ZSCAN25: variants seen among roughly 807,000 people sequenced by gnomAD.
ZSCAN25 encodes zinc finger and SCAN domain containing 25, also known as zinc finger and SCAN domain-containing protein 25.
A neutral mutation model predicts 38.7 loss-of-function variants in ZSCAN25; 27 were observed. That is an observed-to-expected ratio of 0.70 (90% CI 0.51 to 0.96). ZSCAN25 has a LOEUF of 0.96. ZSCAN25 is among the 40% of genes least tolerant of loss of function. The probability of loss-of-function intolerance (pLI) is 0.00; values close to 1 mark genes in which losing one functional copy is unlikely to be tolerated. For synonymous variants in ZSCAN25, 273 were observed against 277.7 expected (o/e 0.98, Z 0.17); for missense variants, 637 against 705.9 (o/e 0.90, Z 1.11).
the ZSCAN25 span, chr7:99,676,172 C>T: frequency 6.2e-7 from 1 of 1,613,778 alleles, no homozygotes; most frequent in South Asian, 1.1e-5. Flanking sequence ...CTGGAATTCC[C>T]AGTCTCTTAA....
At chr7:99,735,195 G>A in the ZSCAN25 span, 5 of 1,448,622 alleles carry the variant, frequency 3.5e-6, no homozygotes, top group Non-Finnish European at 4.8e-6. Flanking sequence ...CTGCACAGCA[G>A]TGATTCAGTG....
At chr7:99,730,995 C>G in the ZSCAN25 span, 3 of 1,591,482 alleles carry the variant, frequency 1.9e-6, no homozygotes, top group Admixed American at 1.7e-5. Context: ...AGCATTTTTA[C>G]TGATGGAACT....
At chr7:99,657,933 T>G in the ZSCAN25 span, among the ~76,000 whole-genome samples, 1 of 152,232 alleles carries the variant, frequency 6.6e-6, no homozygotes, top group Admixed American at 6.5e-5. Flanking sequence ...GTCCATTTGC[T>G]TGGTAGATCT....
chr7:99,720,240 G>A, the ZSCAN25 span: 1 of 1,566,520 alleles, frequency 6.4e-7, no homozygotes, highest in South Asian at 1.1e-5. Flanking sequence ...AACTGTCTAT[G>A]AATATATAAG....
At chr7:99,662,469 T>C in the ZSCAN25 span, among the ~76,000 whole-genome samples, 23,324 of 152,146 alleles carry the variant, frequency 0.15, 3,899 homozygotes, top group African/African-American at 0.4. This position sits in a 1 kb window ranked among gnomAD's most constrained non-coding sequence, Gnocchi z 4.3. Flanking sequence ...GATAGTGTGC[T>C]TCCTGATCGG....
At chr7:99,686,164 C>T in the ZSCAN25 span, among the ~76,000 whole-genome samples, 1 of 152,166 alleles carries the variant, frequency 6.6e-6, no homozygotes, top group Non-Finnish European at 1.5e-5. Flanking sequence ...GGGTGCAGGA[C>T]AGTGGGTGCA....
chr7:99,677,497 C>T, the ZSCAN25 span, among the ~76,000 whole-genome samples: 10 of 152,284 alleles, frequency 6.6e-5, no homozygotes, highest in South Asian at 2.1e-4. Context: ...TAAAACGTCC[C>T]GGAGAGTTGT....
chr7:99,674,410 C>G, the ZSCAN25 span: 1 of 653,918 alleles, frequency 1.5e-6, no homozygotes, highest in Non-Finnish European at 2.6e-6. Flanking sequence ...GAGAACCTCT[C>G]TCTGTTTGTA....
chr7:99,712,414 C>T, the ZSCAN25 span, among the ~76,000 whole-genome samples: 1 of 152,210 alleles, frequency 6.6e-6, no homozygotes, highest in African/African-American at 2.4e-5. Context: ...CCACTATTGA[C>T]ATGTGGCTAT....
chr7:99,734,979 C>A, the ZSCAN25 span: 1 of 1,613,518 alleles, frequency 6.2e-7, no homozygotes, highest in Non-Finnish European at 8.5e-7. Context: ...ATTAGCACCC[C>A]AAGTCCAAGG....
intron 6 of ZSCAN25, 81 bp from the exon 7 acceptor site, chr7:99,623,975 GA>G: frequency 6.3e-7 from 1 of 1,591,314 alleles, no homozygotes; most frequent in Non-Finnish European, 8.6e-7. Flanking sequence ...AGCTGGTTGG[GA>G]GGAAGTTGGA....
chr7:99,733,174 C>T, the ZSCAN25 span, among the ~76,000 whole-genome samples: 1 of 152,194 alleles, frequency 6.6e-6, no homozygotes, highest in Non-Finnish European at 1.5e-5. Context: ...CCTGTTCCTT[C>T]CTTTGTTGTC....
At chr7:99,643,893 A>T in the ZSCAN25 span, among the ~76,000 whole-genome samples, 1 of 151,672 alleles carries the variant, frequency 6.6e-6, no homozygotes, top group Non-Finnish European at 1.5e-5. Context: ...GTTCAGGGCC[A>T]GGCAAAAAGG....
Position 99,629,481 on chromosome 7 carries a change from C to A in ZSCAN25, c.1096C>A (p.His366Asn). The A allele has an allele frequency of 1.9e-6, 3 of 1,614,252 alleles. No homozygotes were observed. Among genetic ancestry groups the A allele is most frequent in the Non-Finnish European group, 1.7e-6 (2 of 1,180,048 alleles). ...CAGTCGGAGCTCCAATCTCGTCAGG[C>A]ACCAGCGAACCCACGAAGAGAAGTC... ...GFSRSSNLVR[H>N]QRTHEEKSYG... Residue 366 changes from histidine (H) to asparagine (N), a missense_variant, in exon 8 of 8, where the codon CAC (histidine) becomes AAC (asparagine). Physicochemically the swap from His to Asn is moderately conservative, Grantham distance 68. Coordinates refer to ENST00000394152, the MANE Select transcript of ZSCAN25 (RefSeq NM_145115.3). The surrounding 1 kb of genome is among the most constrained non-coding windows in gnomAD (Gnocchi z 5.6).
intron 7 of ZSCAN25, among the ~76,000 whole-genome samples, chr7:99,627,039 A>G (rs143259639): frequency 6.6e-6 from 1 of 152,234 alleles, no homozygotes; most frequent in South Asian, 2.1e-4. Context: ...ATTTTCAAAC[A>G]TACAGAAAAG....
the ZSCAN25 span, among the ~76,000 whole-genome samples, chr7:99,728,010 T>C: frequency 1.3e-5 from 2 of 152,212 alleles, no homozygotes; most frequent in African/African-American, 2.4e-5. Flanking sequence ...AAGGCAACAA[T>C]TATGCTGATA....
In ZSCAN25 at chr7:99,631,939, C is replaced by T. The variant is rs1808032743; in HGVS notation, c.*1919C>T. The T allele has an allele frequency of 5.1e-6, 5 of 985,354 alleles. 1 individual carries two copies. In the South Asian group the frequency reaches 1.9e-4, roughly 37 times the overall value. 61.0% of individuals were successfully genotyped at this position (985,354 alleles called of 1,614,324 possible). ...AGAGCAGCTAGGCAGGGCTGACAGC[C>T]AGGCAGACTCAGTGGGAGGCTTCTG... On this transcript the variant is annotated 3_prime_UTR_variant, in exon 8 of 8. Coordinates refer to ENST00000394152, the MANE Select transcript of ZSCAN25 (RefSeq NM_145115.3).
chr7:99,676,504 A>T, the ZSCAN25 span: 1 of 1,386,480 alleles, frequency 7.2e-7, no homozygotes, highest in Non-Finnish European at 9.6e-7. Flanking sequence ...TCAGGCAGGA[A>T]TTCTTCCAGG....
the ZSCAN25 span, chr7:99,671,976 A>G: frequency 1.7e-5 from 11 of 641,788 alleles, no homozygotes; most frequent in Admixed American, 7.5e-5. Flanking sequence ...TCTGTAAACT[A>G]TATCAAAGTC....
Sources: allele counts gnomAD v4.1 joint callset (sites outside exome capture counted in the v4.1 genomes callset), GRCh38; gene constraint gnomAD v4.1.1; non-coding constraint Gnocchi (gnomAD v3.1); transcripts MANE v1.5; gene names NCBI Gene and HGNC (gene_info 2026-07-23, HGNC 2026-07-21).